Variants in ARHGAP12 observed in about 807,000 individuals in gnomAD.
ARHGAP12 encodes rho GTPase-activating protein 12.
A neutral mutation model predicts 108.6 loss-of-function variants in ARHGAP12; 64 were observed. The ratio of observed to expected loss-of-function variants is 0.59; its 90% CI spans 0.48 to 0.73. ARHGAP12 has a LOEUF of 0.73. ARHGAP12 is among the 30% of genes least tolerant of loss of function. The pLI is 0.00. For synonymous variants in ARHGAP12, 312 were observed against 337.2 expected (o/e 0.93, Z 0.82); for missense variants, 940 against 1,005.9 (o/e 0.93, Z 0.89).
At chr10:31,840,926 T>G (rs1836239923) in intron 7 of ARHGAP12, among the ~76,000 whole-genome samples, 1 of 148,154 alleles carries the variant, frequency 6.7e-6, no homozygotes, top group Admixed American at 6.6e-5. Flanking sequence ...AAATCTCACT[T>G]AAGTATTTTT....
chr10:31,896,057 G>C (rs1200380547), intron 3 of ARHGAP12, among the ~76,000 whole-genome samples: 2 of 151,976 alleles, frequency 1.3e-5, no homozygotes, highest in Non-Finnish European at 1.5e-5. Flanking sequence ...CTTGGACACA[G>C]GAAGGGGAAC....
chr10:31,812,968 G>C, intron 14 of ARHGAP12, 145 bp from the exon 15 acceptor site: 1 of 478,546 alleles, frequency 2.1e-6, no homozygotes, highest in Non-Finnish European at 3.7e-6. Flanking sequence ...TGTGGTTTAA[G>C]GACAAGATGT....
chr10:31,907,262 T>G (rs1447905387), intron 3 of ARHGAP12, among the ~76,000 whole-genome samples: 2 of 152,068 alleles, frequency 1.3e-5, no homozygotes, highest in Non-Finnish European at 2.9e-5. Flanking sequence ...TTCACGTATG[T>G]ACTTTTAAAA....
At chr10:31,816,092 C>T (rs374756862) in intron 13 of ARHGAP12, among the ~76,000 whole-genome samples, 6 of 151,046 alleles carry the variant, frequency 4.0e-5, no homozygotes, top group South Asian at 2.1e-4. Context: ...CGGAGGTTGC[C>T]GTGAGCTAAG....
At chr10:31,858,538 A>T (rs1836980381) in intron 4 of ARHGAP12, among the ~76,000 whole-genome samples, 1 of 152,142 alleles carries the variant, frequency 6.6e-6, no homozygotes, top group South Asian at 2.1e-4. Flanking sequence ...TATCCTGGGC[A>T]ACATAACAAG....
Position 31,900,625 on chromosome 10 carries a change from T to G in ARHGAP12, c.684+7547A>C, listed in dbSNP as rs145334899. Among the ~76,000 whole-genome samples the G allele has an allele frequency of 2.4e-3, 365 of 152,192 alleles. 14 individuals are homozygous for G. The East Asian group carries it at 0.057, about 24-fold the overall frequency. On this transcript the variant is annotated intron_variant, in intron 3 of 19. Transcript: ENST00000344936. ...AGGCTACCTACTGTGTAATTCCAAT[T>G]AAAAGACATTCTAGAATAGACAAAA...
At position 31,826,357 on chromosome 10, in the gene ARHGAP12, A is replaced by G; in HGVS notation, c.1477T>C (p.Leu493=). 6.2e-7 allele frequency: 1 copy of G among 1,612,466 alleles called. No homozygotes were observed. The highest frequency in any genetic ancestry group is 8.5e-7 in the Non-Finnish European group (1 of 1,179,124). The change falls in exon 11 of 20, where the codon TTG becomes CTG. Residue 493 remains leucine (L), a synonymous_variant. Coordinates refer to ENST00000344936, the MANE Select transcript of ARHGAP12 (RefSeq NM_018287.7). ...GTAAAAAGTAAAGATGAACCCTGCA[A>G]CACCGCCCAAGAAGACAACCAGTTC... ...RKNWLSSWAV[L]QGSSLLFTKT...
intron 3 of ARHGAP12, among the ~76,000 whole-genome samples, chr10:31,867,063 T>C (rs551779941): frequency 3.2e-4 from 49 of 152,000 alleles, no homozygotes; most frequent in African/African-American, 1.1e-3. Flanking sequence ...TTATTGACAA[T>C]GAAAGGTAAA....
chr10:31,920,464 A>AG (rs1456486920), intron 1 of ARHGAP12, among the ~76,000 whole-genome samples: 1 of 151,096 alleles, frequency 6.6e-6, no homozygotes, highest in Non-Finnish European at 1.5e-5. Context: ...AAAAAAAAAA[A>AG]AAAAAAAGAA....
Position 31,861,623 on chromosome 10 carries a change from A to G in ARHGAP12, c.720T>C (p.Ser240=), listed in dbSNP as rs1476198883. 1.2e-6 allele frequency: 2 copies of G among 1,610,894 alleles called. No homozygotes were observed. The highest frequency in any genetic ancestry group is 2.2e-5 in the South Asian group (2 of 90,234). Residue 240 remains serine, a synonymous_variant, in exon 4 of 20, where the codon TCT becomes TCC. Coordinates refer to ENST00000344936, the MANE Select transcript of ARHGAP12 (RefSeq NM_018287.7). ...GTTCTTGAAGGTTAGCATAGACAGGAGAATCTGGCCTTCCTTGATTTGGAG... is the reference window on the plus strand; with the variant it reads ...GTTCTTGAAGGTTAGCATAGACAGGGGAATCTGGCCTTCCTTGATTTGGAG... ...TTPPNQGRPD[S]PVYANLQELK... is the part of the protein sequence containing the mutation.
At chr10:31,855,408 C>T (rs546613378) in intron 4 of ARHGAP12, among the ~76,000 whole-genome samples, 1 of 152,316 alleles carries the variant, frequency 6.6e-6, no homozygotes, top group East Asian at 1.9e-4. Context: ...GTAAAACTTA[C>T]TCATTCAGAC....
chr10:31,854,019 T>C (rs746696786), intron 5 of ARHGAP12, 47 bp downstream of exon 5: 1 of 1,565,998 alleles, frequency 6.4e-7, no homozygotes, highest in Non-Finnish European at 8.6e-7. Context: ...AACTATTTTA[T>C]GAGAGAATTC....
intron 3 of ARHGAP12, among the ~76,000 whole-genome samples, chr10:31,887,961 C>G (rs1592339018): frequency 6.6e-6 from 1 of 152,052 alleles, no homozygotes; most frequent in South Asian, 2.1e-4. Context: ...CCGGCCTGCC[C>G]TTCCTATTTT....
At chr10:31,822,459 A>G (rs74127836) in intron 11 of ARHGAP12, among the ~76,000 whole-genome samples, 7,690 of 152,302 alleles carry the variant, frequency 0.05, 650 homozygotes, top group African/African-American at 0.17. Flanking sequence ...CAGACAAGAC[A>G]AAGATACAAT....
At chr10:31,840,370 A>C (rs1239319298) in intron 7 of ARHGAP12, among the ~76,000 whole-genome samples, 2 of 151,800 alleles carry the variant, frequency 1.3e-5, no homozygotes, top group African/African-American at 4.8e-5. Flanking sequence ...TTTTTTAAGC[A>C]GTCTGCTTTG....
intron 4 of ARHGAP12, among the ~76,000 whole-genome samples, chr10:31,855,615 G>A (rs1293167412): frequency 6.6e-6 from 1 of 152,102 alleles, no homozygotes; most frequent in East Asian, 1.9e-4. Context: ...CAAAAATCAG[G>A]AGTTTATTTT....
intron 4 of ARHGAP12, among the ~76,000 whole-genome samples, chr10:31,854,652 C>T (rs1028496397): frequency 9.9e-5 from 15 of 152,210 alleles, no homozygotes; most frequent in African/African-American, 2.9e-4. Flanking sequence ...AACAACCCTG[C>T]TCAATAAATA....
chr10:31,806,777 C>T lies in ARHGAP12; in HGVS notation c.*881G>A, dbSNP rs1030226500. On this transcript the variant is annotated 3_prime_UTR_variant, in exon 20 of 20. Coordinates refer to ENST00000344936, the MANE Select transcript of ARHGAP12 (RefSeq NM_018287.7). ...ACCTAATATTCACAGAAAAGATTAC[C>T]AATAACAATGATTAGAAATGTAGGG... The T allele has an allele frequency of 1.3e-5, 2 of 152,592 alleles. No individual in the cohort carries two copies. The highest frequency in any genetic ancestry group is 1.3e-4 in the Admixed American group (2 of 15,278). The allele number at this position is 152,592 out of a possible 1,614,324, so 9.5% of individuals were successfully genotyped here.
Position 31,895,248 on chromosome 10 carries a change from T to C in ARHGAP12, c.684+12924A>G, listed in dbSNP as rs888449595. 3.3e-5 allele frequency among the ~76,000 whole-genome samples: 5 copies of C among 152,128 alleles called. No homozygotes were observed. The East Asian group carries it at 7.7e-4, about 23-fold the overall frequency. On this transcript the variant is annotated intron_variant, in intron 3 of 19. Coordinates refer to ENST00000344936, the MANE Select transcript of ARHGAP12 (RefSeq NM_018287.7). ...GGCAACAGAAGCCAAAATTGACAAATGGGATCGAATTAAACTAAAGAGCTT... is the reference window on the plus strand; with the variant it reads ...GGCAACAGAAGCCAAAATTGACAAACGGGATCGAATTAAACTAAAGAGCTT...
Sources: gnomAD v4.1 joint callset for allele counts (sites outside exome capture counted in the v4.1 genomes callset) on GRCh38, gnomAD v4.1.1 for gene constraint, MANE v1.5 for transcripts, NCBI Gene and HGNC (gene_info 2026-07-23, HGNC 2026-07-21) for gene names.